Variants in CERS3 observed in about 807,000 individuals in gnomAD.
The protein encoded by CERS3 is ceramide synthase 3.
Under a neutral mutation model 50.3 loss-of-function variants are expected in CERS3, and 33 were observed. The ratio of observed to expected loss-of-function variants is 0.66; its 90% confidence interval spans 0.50 to 0.88. The LOEUF (loss-of-function observed/expected upper bound fraction) is 0.88. Ranked by LOEUF, CERS3 falls within the 40% of genes least tolerant of loss-of-function variation. The pLI is 0.00. For missense variants in CERS3, 470 were observed against 460.3 expected, an observed-to-expected ratio of 1.02 and a Z score of -0.19; for synonymous variants, 176 against 155.2, an observed-to-expected ratio of 1.13 and a Z score of -0.99.
intron 11 of CERS3, among the ~76,000 whole-genome samples, chr15:100,432,062 C>T (rs200569749): frequency 0.031 from 2,485 of 79,664 alleles, 30 homozygotes; most frequent in Admixed American, 0.05. Context: ...CTTTAATAGG[C>T]CCTCTTTTGT....
chr15:100,481,627 T>C (rs1219495736), intron 5 of CERS3, among the ~76,000 whole-genome samples: 3 of 152,244 alleles, frequency 2.0e-5, no homozygotes, highest in Non-Finnish European at 4.4e-5. Flanking sequence ...ATTTTTCTTT[T>C]CACAAGATTA....
At chr15:100,482,984 A>G (rs1338148876) in intron 5 of CERS3, among the ~76,000 whole-genome samples, 1 of 152,224 alleles carries the variant, frequency 6.6e-6, no homozygotes, top group African/African-American at 2.4e-5. Flanking sequence ...TTGCTAAAGA[A>G]TAAGATAAGG....
At chr15:100,518,671 G>A (rs180962288) in intron 2 of CERS3, among the ~76,000 whole-genome samples, 5 of 152,246 alleles carry the variant, frequency 3.3e-5, no homozygotes, top group East Asian at 1.9e-4. Flanking sequence ...AATGTGAGAC[G>A]ATACTGTGCT....
intron 11 of CERS3, among the ~76,000 whole-genome samples, chr15:100,437,235 G>A (rs550859546): frequency 6.6e-5 from 10 of 152,212 alleles, no homozygotes; most frequent in East Asian, 3.9e-4. Context: ...ATGAGCCACC[G>A]CACCTGGCCT....
chr15:100,466,098 C>T (rs1161737406), intron 10 of CERS3, among the ~76,000 whole-genome samples: 1 of 152,208 alleles, frequency 6.6e-6, no homozygotes, highest in Non-Finnish European at 1.5e-5. Context: ...AAATGCCAAA[C>T]ACATGTAACT....
intron 11 of CERS3, among the ~76,000 whole-genome samples, chr15:100,421,629 A>G (rs1206433476): frequency 6.7e-6 from 1 of 149,720 alleles, no homozygotes; most frequent in South Asian, 2.1e-4. Context: ...TCGCCAAGTC[A>G]ATCCTAAGCC....
chr15:100,462,280 T>C (rs967809263), intron 10 of CERS3, among the ~76,000 whole-genome samples: 1 of 152,240 alleles, frequency 6.6e-6, no homozygotes, highest in African/African-American at 2.4e-5. Flanking sequence ...GTTTCCAATT[T>C]TAGCTCTTCC....
intron 4 of CERS3, 82 bp from the exon 5 acceptor site, chr15:100,484,750 C>T: frequency 9.7e-7 from 1 of 1,026,514 alleles, no homozygotes. Flanking sequence ...GATTGAGTTA[C>T]AAGAGCTTCG....
At chr15:100,408,733 T>C (rs540738810) in intron 11 of CERS3, 1 of 152,178 alleles carries the variant, frequency 6.6e-6, no homozygotes, top group Admixed American at 6.5e-5. Flanking sequence ...TGGAAATCAA[T>C]AAATCTCTCT....
At chr15:100,466,388 G>A (rs758422503) in intron 10 of CERS3, among the ~76,000 whole-genome samples, 4 of 152,216 alleles carry the variant, frequency 2.6e-5, no homozygotes, top group Non-Finnish European at 5.9e-5. Flanking sequence ...CTTCCATGGT[G>A]TGTGCTTTTT....
At chr15:100,435,796 A>G (rs371550618) in intron 11 of CERS3, among the ~76,000 whole-genome samples, 2 of 152,248 alleles carry the variant, frequency 1.3e-5, no homozygotes, top group Non-Finnish European at 2.9e-5. Flanking sequence ...AAACAACCCC[A>G]TCAAAAAGTG....
chr15:100,468,131 A>G (rs759286266), intron 10 of CERS3, among the ~76,000 whole-genome samples: 10 of 152,128 alleles, frequency 6.6e-5, no homozygotes, highest in Admixed American at 4.6e-4. Flanking sequence ...ATTTGATTCT[A>G]GTTGAACTTC....
At chr15:100,466,391 T>C (rs1158634460) in intron 10 of CERS3, among the ~76,000 whole-genome samples, 1 of 152,218 alleles carries the variant, frequency 6.6e-6, no homozygotes. Flanking sequence ...CCATGGTGTG[T>C]GCTTTTTAAA....
At chr15:100,459,196 T>A (rs1049251847) in intron 10 of CERS3, among the ~76,000 whole-genome samples, 4 of 152,200 alleles carry the variant, frequency 2.6e-5, no homozygotes, top group African/African-American at 4.8e-5. Flanking sequence ...AGAAATCCAT[T>A]TTATAGATAT....
chr15:100,529,439 A>G (rs1008654193), upstream of CERS3, among the ~76,000 whole-genome samples: 1 of 152,248 alleles, frequency 6.6e-6, no homozygotes, highest in Non-Finnish European at 1.5e-5. Flanking sequence ...TTTGAAGCAT[A>G]TAACTGCCAA....
At chr15:100,443,152 T>C (rs2033767571) in intron 11 of CERS3, among the ~76,000 whole-genome samples, 1 of 150,292 alleles carries the variant, frequency 6.7e-6, no homozygotes, top group African/African-American at 2.4e-5. Context: ...CTCCTTTGCG[T>C]CCTCCTCTTG....
intron 4 of CERS3, among the ~76,000 whole-genome samples, chr15:100,485,092 A>G (rs1029865860): frequency 6.6e-6 from 1 of 152,110 alleles, no homozygotes; most frequent in Non-Finnish European, 1.5e-5. Flanking sequence ...CTTGTCCAAA[A>G]CCTAAAATTA....
chr15:100,473,391 A>G (rs1213983870), intron 8 of CERS3, among the ~76,000 whole-genome samples: 1 of 152,062 alleles, frequency 6.6e-6, no homozygotes, highest in East Asian at 1.9e-4. Context: ...AAAAAGAAAA[A>G]AAAGATTGAT....
At chr15:100,483,787 A>ATTTTTTT (rs10622678) in intron 5 of CERS3, among the ~76,000 whole-genome samples, 1,345 of 99,934 alleles carry the variant, frequency 0.013, 55 homozygotes, top group African/African-American at 0.026. Flanking sequence ...TATTATTATT[A>ATTTTTTT]TTTTTTTTTT....
Sources: gnomAD v4.1 joint callset for allele counts (sites outside exome capture counted in the v4.1 genomes callset) on GRCh38, gnomAD v4.1.1 for gene constraint, MANE v1.5 for transcripts, NCBI Gene and HGNC (gene_info 2026-07-23, HGNC 2026-07-21) for gene names.